Variants in CDH13 observed in about 807,000 individuals in gnomAD.
The protein encoded by CDH13 is cadherin-13.
In CDH13, 24 loss-of-function variants were observed where a neutral mutation model predicts 63.8. The observed-to-expected ratio is 0.38, with a 90% CI of 0.27 to 0.53. The LOEUF (loss-of-function observed/expected upper bound fraction) is 0.53. CDH13 is among the 20% of genes least tolerant of loss of function. The pLI is 0.85. For synonymous variants in CDH13, 503 were observed against 355.3 expected (o/e 1.42, Z -4.67); for missense variants, 1,049 against 903.1 (o/e 1.16, Z -2.07).
intron 5 of CDH13, among the ~76,000 whole-genome samples, chr16:83,300,593 G>C (rs2089710704): frequency 6.6e-6 from 1 of 152,170 alleles, no homozygotes; most frequent in Admixed American, 6.5e-5. Flanking sequence ...TGCCAGGCAG[G>C]GTCTGGGGAC....
intron 6 of CDH13, among the ~76,000 whole-genome samples, chr16:83,482,541 G>A (rs765747289): frequency 3.3e-5 from 5 of 152,130 alleles, no homozygotes; most frequent in East Asian, 1.9e-4. Flanking sequence ...AGAGTTCCTC[G>A]GAACCAATTT....
intron 1 of CDH13, among the ~76,000 whole-genome samples, chr16:82,677,403 C>T (rs1567617302): frequency 6.7e-6 from 1 of 150,120 alleles, no homozygotes; most frequent in Non-Finnish European, 1.5e-5. Flanking sequence ...TTGTATTTTC[C>T]CTACTGAGAT....
chr16:82,644,028 T>C lies in CDH13; in HGVS notation c.45+16891T>C, dbSNP rs1909759805. Among the ~76,000 whole-genome samples, 1 of 152,102 alleles carries C rather than the reference T, an allele frequency of 6.6e-6. No individual in the cohort carries two copies. The highest frequency in any genetic ancestry group is 1.5e-5 in the Non-Finnish European group (1 of 68,000). ...GCTGGCATTACAGGCTTGGCTGACT[T>C]TTAAAAGTAGTAAGTGGTTTAGGAT... On this transcript the variant is annotated intron_variant, in intron 1 of 13. Transcript: ENST00000567109. The surrounding 1 kb of genome is among the most constrained non-coding windows in gnomAD (Gnocchi z 5.7).
chr16:82,956,801 T>A (rs749546020), intron 2 of CDH13, among the ~76,000 whole-genome samples: 2 of 152,216 alleles, frequency 1.3e-5, no homozygotes, highest in Non-Finnish European at 2.9e-5. Flanking sequence ...ATAACTTGTG[T>A]CTCAGTGGAT....
intron 2 of CDH13, among the ~76,000 whole-genome samples, chr16:82,936,185 G>A (rs151019211): frequency 6.6e-6 from 1 of 152,082 alleles, no homozygotes; most frequent in Non-Finnish European, 1.5e-5. Context: ...GCATTCACCT[G>A]TGCAAGTCTC....
rs550125450 is a variant in CDH13 at position 82,785,938 on chromosome 16, C to T, written c.46-72424C>T. ...GGAAGGGGTTCTTATCCCTGATGCACGTGGCCCCTGCTACTGTGTGGTTCC... is the reference window on the plus strand; with the variant it reads ...GGAAGGGGTTCTTATCCCTGATGCATGTGGCCCCTGCTACTGTGTGGTTCC... On this transcript the variant is annotated intron_variant, in intron 1 of 13. Transcript: ENST00000567109. Among the ~76,000 whole-genome samples, 336 of 152,312 alleles carry T rather than the reference C, an allele frequency of 2.2e-3. 1 individual carries two copies. Among genetic ancestry groups the T allele is most frequent in the Non-Finnish European group, 3.7e-3 (250 of 68,034 alleles).
chr16:82,639,870 G>C (rs910889560), intron 1 of CDH13, among the ~76,000 whole-genome samples: 2 of 152,204 alleles, frequency 1.3e-5, no homozygotes, highest in African/African-American at 4.8e-5. Context: ...TCTCTCCCTT[G>C]ACAGGGTCCT....
At chr16:82,837,618 C>T (rs2038823676) in intron 1 of CDH13, among the ~76,000 whole-genome samples, 1 of 152,198 alleles carries the variant, frequency 6.6e-6, no homozygotes, top group African/African-American at 2.4e-5. Context: ...CCAATGCAGT[C>T]ACACAGGATG....
chr16:83,550,894 C>T (rs2075478151), intron 7 of CDH13, among the ~76,000 whole-genome samples: 1 of 152,052 alleles, frequency 6.6e-6, no homozygotes, highest in African/African-American at 2.4e-5. Flanking sequence ...TTGCATTCCT[C>T]CCTCTCTCTT....
intron 11 of CDH13, among the ~76,000 whole-genome samples, chr16:83,763,745 CCTTA>C (rs932166350): frequency 6.6e-6 from 1 of 152,138 alleles, no homozygotes; most frequent in African/African-American, 2.4e-5. Flanking sequence ...CATCATTCCG[CCTTA>C]CTTCAAGCAC....
At chr16:82,783,294 A>G (rs1170435087) in intron 1 of CDH13, among the ~76,000 whole-genome samples, 2 of 152,230 alleles carry the variant, frequency 1.3e-5, no homozygotes, top group East Asian at 1.9e-4. Flanking sequence ...AAGCAAGGCT[A>G]GCAGGGAGGG....
chr16:83,004,820 G>A (rs1913313185), intron 2 of CDH13, among the ~76,000 whole-genome samples: 1 of 152,202 alleles, frequency 6.6e-6, no homozygotes, highest in African/African-American at 2.4e-5. Context: ...TGAAAAGGCT[G>A]TGGATTATCA....
chr16:83,015,333 C>T (rs1033227418), intron 2 of CDH13, among the ~76,000 whole-genome samples: 1 of 151,504 alleles, frequency 6.6e-6, no homozygotes, highest in Non-Finnish European at 1.5e-5. Context: ...TTCTAAAGGG[C>T]GCTGCAATTC....
rs933935933 is a variant in CDH13 at position 83,047,013 on chromosome 16, C to G, written c.366+14795C>G. On this transcript the variant is annotated intron_variant, in intron 3 of 13. Transcript: ENST00000567109. This position sits in a 1 kb window ranked among gnomAD's most constrained non-coding sequence, Gnocchi z 4.9. ...TCCTCAACTGTCTATCTTTCTGCAG[C>G]AAATCCTTTGACAGAGAATGTGCAC... Among the ~76,000 whole-genome samples the G allele has an allele frequency of 1.3e-5, 2 of 152,208 alleles. No homozygotes were observed. The highest frequency in any genetic ancestry group is 6.5e-5 in the Admixed American group (1 of 15,278).
chr16:83,485,952 G>A lies in CDH13; in HGVS notation c.782-525G>A, dbSNP rs28431093. On this transcript the variant is annotated intron_variant, in intron 6 of 13. Coordinates refer to ENST00000567109, the MANE Select transcript of CDH13 (RefSeq NM_001257.5). ...GAGGTCAGGAGTTCAAGACAAGCCT[G>A]GCTAAAATGGTTAAACCCCATTTAT... 1.3e-3 allele frequency among the ~76,000 whole-genome samples: 204 copies of A among 152,202 alleles called. 4 individuals are homozygous for A. The South Asian group carries it at 0.039, about 29-fold the overall frequency.
At chr16:82,742,078 A>T (rs1165404487) in intron 1 of CDH13, among the ~76,000 whole-genome samples, 1 of 151,938 alleles carries the variant, frequency 6.6e-6, no homozygotes, top group African/African-American at 2.4e-5. Context: ...TAGATATAAC[A>T]TTGGGCCAAA....
At chr16:82,636,248 G>C (rs1208091831) in intron 1 of CDH13, among the ~76,000 whole-genome samples, 3 of 152,086 alleles carry the variant, frequency 2.0e-5, no homozygotes, top group African/African-American at 4.8e-5. Flanking sequence ...AGGAGACCAG[G>C]TGTTTGACAT....
At position 83,447,070 on chromosome 16, in the gene CDH13, A is replaced by AC. The variant is rs1402686528; in HGVS notation, c.782-39407_782-39406insC. On this transcript the variant is annotated intron_variant, in intron 6 of 13. Transcript: ENST00000567109. ...ACCCGTCTTAAAAAAAAAAAAAAAA[A>AC]AAAACAAAAAACACCTTATAGTAAC... 1.1e-4 allele frequency among the ~76,000 whole-genome samples: 15 copies of AC among 137,228 alleles called. No homozygotes were observed. In the East Asian group the frequency reaches 3.0e-3, roughly 27 times the overall value. 90.0% of individuals were successfully genotyped at this position (137,228 alleles called of 152,430 possible). A position where few individuals can be genotyped will look rare whatever the true frequency, so the allele number is the denominator to read the frequency against.
At chr16:83,475,151 A>G (rs11864932) in intron 6 of CDH13, among the ~76,000 whole-genome samples, 3,560 of 152,334 alleles carry the variant, frequency 0.023, 149 homozygotes, top group African/African-American at 0.08. Context: ...GAGGGTGACA[A>G]CAGAGCACTA....
Sources: gnomAD v4.1 joint callset for allele counts (sites outside exome capture counted in the v4.1 genomes callset) on GRCh38, gnomAD v4.1.1 for gene constraint, Gnocchi (gnomAD v3.1) non-coding constraint, MANE v1.5 for transcripts, NCBI Gene and HGNC (gene_info 2026-07-23, HGNC 2026-07-21) for gene names.